Variants in DNAAF9 observed in about 807,000 individuals in gnomAD.
DNAAF9 encodes the protein shulin.
A neutral mutation model predicts 167.0 loss-of-function variants in DNAAF9; 90 were observed. The ratio of observed to expected loss-of-function variants is 0.54; its 90% CI spans 0.45 to 0.64. The LOEUF is 0.64. Ranked by LOEUF, DNAAF9 falls within the 30% of genes least tolerant of loss-of-function variation. DNAAF9 has a pLI of 0.00. For synonymous variants in DNAAF9, 491 were observed against 508.8 expected, an observed-to-expected ratio of 0.96 and a Z score of 0.47; for missense variants, 1,315 against 1,442.2, an observed-to-expected ratio of 0.91 and a Z score of 1.43.
chr20:3,359,380 T>A (rs2083330375), intron 7 of DNAAF9, 136 bp downstream of exon 7: 2 of 657,026 alleles, frequency 3.0e-6, no homozygotes. Context: ...AAGACAATAA[T>A]CAAGGAAGAA....
intron 27 of DNAAF9, among the ~76,000 whole-genome samples, chr20:3,285,727 G>A (rs1378502851): frequency 1.4e-5 from 2 of 143,088 alleles, no homozygotes; most frequent in African/African-American, 5.2e-5. Flanking sequence ...GCCTGTAATT[G>A]CAGCACTTTG....
rs1436111648 is a variant in DNAAF9, at chr20:3,253,870, C to T, written c.3328-51G>A. Reference sequence around the variant, plus strand: ...AATTATCTGACTACTTTCTATACTTCACTCACTCATTAAAACAAACAAGTC... The same window carrying T: ...AATTATCTGACTACTTTCTATACTTTACTCACTCATTAAAACAAACAAGTC... On this transcript the variant is annotated intron_variant, in intron 35 of 36. Transcript: ENST00000252032. The T allele has an allele frequency of 1.0e-5, 10 of 987,788 alleles. No individual in the cohort carries two copies. The Admixed American group carries it at 1.0e-4, about 10-fold the overall frequency. 61.2% of individuals were successfully genotyped at this position (987,788 alleles called of 1,614,324 possible).
At chr20:3,290,787 CTTTT>C (rs548143543) in intron 25 of DNAAF9, among the ~76,000 whole-genome samples, 80 of 135,308 alleles carry the variant, frequency 5.9e-4, no homozygotes, top group African/African-American at 2.1e-3. Flanking sequence ...AGGGCTAAGT[CTTTT>C]TTTTTTTTTT....
At position 3,256,080 on chromosome 20, in the gene DNAAF9, A is replaced by G; in HGVS notation, c.3187T>C (p.Cys1063Arg). 1 of 1,613,870 alleles carries G rather than the reference A, an allele frequency of 6.2e-7. No homozygotes were observed. Among genetic ancestry groups the G allele is most frequent in the Non-Finnish European group, 8.5e-7 (1 of 1,179,946 alleles). The change falls in exon 34 of 37, where the codon TGC becomes CGC. Residue 1063 changes from cysteine to arginine, a missense_variant. Cys to Arg is a radical substitution (Grantham distance 180, BLOSUM62 -3). Around this residue, in one of 2 missense-constraint regions of DNAAF9, gnomAD observed 334 missense variants for 429.7 expected, o/e 0.78. Transcript: ENST00000252032. ...GAGCAGCCGATGAACACAAGGTAGCACTCCTGCTGCCCGCTGCTGTCTTGA... is the reference window on the plus strand; with the variant it reads ...GAGCAGCCGATGAACACAAGGTAGCGCTCCTGCTGCCCGCTGCTGTCTTGA... ...VSQDSSGQQE[C>R]YLVFIGCSLK...
intron 21 of DNAAF9, among the ~76,000 whole-genome samples, chr20:3,299,531 C>T (rs376398852): frequency 2.6e-5 from 4 of 152,288 alleles, no homozygotes; most frequent in South Asian, 2.1e-4. Context: ...AGGCTGGTCT[C>T]GAACTGCCAG....
intron 1 of DNAAF9, among the ~76,000 whole-genome samples, chr20:3,383,726 C>A (rs1463110842): frequency 1.3e-5 from 2 of 152,120 alleles, no homozygotes; most frequent in South Asian, 2.1e-4. Flanking sequence ...CTTACTCTCA[C>A]CTCAAAACTG....
chr20:3,318,283 A>C lies in DNAAF9; in HGVS notation c.1468+6T>G. On this transcript the variant is annotated splice_donor_region_variant and intron_variant, in intron 17 of 36. Transcript: ENST00000252032. ...GGTTTGCTTTCTAAAGATCACATAT[A>C]CTTACCCTTTTCTTTAACTAAGATC... The C allele has an allele frequency of 7.5e-7, 1 of 1,335,790 alleles. No individual in the cohort carries two copies. Among genetic ancestry groups the C allele is most frequent in the Non-Finnish European group, 1.1e-6 (1 of 928,754 alleles). The allele number at this position is 1,335,790 out of a possible 1,614,324, so 82.7% of individuals were successfully genotyped here. A position where few individuals can be genotyped will look rare whatever the true frequency, so the allele number is the denominator to read the frequency against.
At chr20:3,343,433 C>T (rs189219088) in intron 9 of DNAAF9, among the ~76,000 whole-genome samples, 111 of 152,242 alleles carry the variant, frequency 7.3e-4, no homozygotes, top group African/African-American at 2.6e-3. Context: ...AGGCATGAGC[C>T]ACCGCACCTG....
intron 8 of DNAAF9, among the ~76,000 whole-genome samples, chr20:3,346,007 T>C (rs188820686): frequency 6.6e-6 from 1 of 152,264 alleles, no homozygotes; most frequent in Admixed American, 6.5e-5. Flanking sequence ...TGTACTAATA[T>C]TAAAATGGAA....
At chr20:3,388,118 G>A (rs889152285) in intron 1 of DNAAF9, among the ~76,000 whole-genome samples, 1 of 150,594 alleles carries the variant, frequency 6.6e-6, no homozygotes, top group African/African-American at 2.4e-5. Flanking sequence ...CTCTGAAGAG[G>A]ATATGCAAAT....
intron 21 of DNAAF9, 132 bp from the exon 22 acceptor site, chr20:3,298,307 T>C: frequency 2.7e-6 from 2 of 749,426 alleles, no homozygotes; most frequent in Non-Finnish European, 4.3e-6. Context: ...TGTGGTTCAG[T>C]ATAGATGTGC....
chr20:3,262,544 C>T (rs184203094), intron 31 of DNAAF9, among the ~76,000 whole-genome samples: 218 of 152,166 alleles, frequency 1.4e-3, no homozygotes, highest in African/African-American at 4.6e-3. Flanking sequence ...CCACCACATC[C>T]GGCCAGATTC....
intron 8 of DNAAF9, among the ~76,000 whole-genome samples, chr20:3,346,973 T>C (rs1372081569): frequency 6.6e-6 from 1 of 152,108 alleles, no homozygotes; most frequent in Non-Finnish European, 1.5e-5. Context: ...CGAAACACTT[T>C]CCAAACTTAA....
rs540509921 is a variant in DNAAF9 at position 3,252,266 on chromosome 20, G to C, written c.*306C>G. The C allele has an allele frequency of 4.2e-6, 1 of 235,352 alleles. No homozygotes were observed. Among genetic ancestry groups the C allele is most frequent in the Admixed American group, 5.2e-5 (1 of 19,340 alleles). The allele number at this position is 235,352 out of a possible 1,614,324, so 14.6% of individuals were successfully genotyped here. ...TCCTAATGCTTCTCCCCAACCTCAA[G>C]AGCCCAAAGGAGATCCTGTTATCAG... On this transcript the variant is annotated 3_prime_UTR_variant, in exon 37 of 37. Coordinates refer to ENST00000252032, the MANE Select transcript of DNAAF9 (RefSeq NM_001009984.3).
chr20:3,379,588 A>AAAAT (rs1234194058), intron 3 of DNAAF9, among the ~76,000 whole-genome samples: 2 of 152,188 alleles, frequency 1.3e-5, no homozygotes, highest in Admixed American at 6.5e-5. Flanking sequence ...ACTCTGTCTC[A>AAAAT]AAATAAATAA....
intron 8 of DNAAF9, among the ~76,000 whole-genome samples, chr20:3,348,087 A>G (rs2070231554): frequency 6.6e-6 from 1 of 152,130 alleles, no homozygotes; most frequent in Non-Finnish European, 1.5e-5. Context: ...CCTGCTGATT[A>G]GTTTTTGAGG....
chr20:3,349,256 C>T (rs1447634137), intron 7 of DNAAF9, among the ~76,000 whole-genome samples: 2 of 148,918 alleles, frequency 1.3e-5, no homozygotes, highest in East Asian at 3.9e-4. Flanking sequence ...GTGGTGCGCA[C>T]CTGTTGTCCC....
In DNAAF9 at chr20:3,290,110, A is replaced by G. The variant is rs546570302; in HGVS notation, c.2327+19T>C. The G allele has an allele frequency of 7.9e-6, 12 of 1,528,362 alleles. No individual in the cohort carries two copies. The South Asian group carries it at 1.3e-4, about 17-fold the overall frequency. The allele number at this position is 1,528,362 out of a possible 1,614,324, so 94.7% of individuals were successfully genotyped here. ...GTTAGAATCCCTTTCCCCAAAGCAA[A>G]GGCATCAGCCATACTAACCTGCCAC... On this transcript the variant is annotated intron_variant, in intron 26 of 36. Transcript: ENST00000252032.
intron 11 of DNAAF9, among the ~76,000 whole-genome samples, chr20:3,331,330 T>C (rs773758035): frequency 2.6e-5 from 4 of 152,204 alleles, no homozygotes; most frequent in Non-Finnish European, 4.4e-5. Flanking sequence ...CTTTATCTCC[T>C]TAATTACCTG....
Sources: allele counts gnomAD v4.1 joint callset (sites outside exome capture counted in the v4.1 genomes callset), GRCh38; gene constraint gnomAD v4.1.1; regional missense constraint gnomAD v4.1.1; transcripts MANE v1.5; gene names NCBI Gene and HGNC (gene_info 2026-07-23, HGNC 2026-07-21).